The following DAAM2 variants were observed in gnomAD, a reference collection of about 807,000 sequenced individuals.
DAAM2 encodes dishevelled associated activator of morphogenesis 2, also known as disheveled-associated activator of morphogenesis 2.
DAAM2 carries 39 observed loss-of-function variants against 120.7 expected under a neutral mutation model. The ratio of observed to expected loss-of-function variants is 0.32; its 90% CI spans 0.25 to 0.42. DAAM2 has a LOEUF of 0.42. Among genes scored for constraint, DAAM2 ranks in the 10% least tolerant of loss-of-function variants. The pLI, the probability that DAAM2 is intolerant of heterozygous loss-of-function variation, is 1.00. For missense variants in DAAM2, 1,283 were observed against 1,401.7 expected (o/e 0.92, Z 1.35); for synonymous variants, 488 against 524.9 (o/e 0.93, Z 0.96).
chr6:39,820,637 GA>G (rs1393357970), intron 1 of DAAM2: 1 of 152,088 alleles, frequency 6.6e-6, no homozygotes, highest in Non-Finnish European at 1.5e-5. Flanking sequence ...CTATAAAGAT[GA>G]AAAAAGAAAT....
intron 11 of DAAM2, among the ~76,000 whole-genome samples, chr6:39,876,826 CCCCTCCTTTCTACAAACCAGTCCGA>C (rs1384958646): frequency 2.6e-5 from 4 of 152,116 alleles, no homozygotes; most frequent in Non-Finnish European, 4.4e-5. Flanking sequence ...CTATCTCCCA[CCCCTCCTTTCTACAAACCAGTCCGA>C]CCCTCTGAAG....
At chr6:39,799,470 A>G (rs1197064057) in intron 1 of DAAM2, among the ~76,000 whole-genome samples, 1 of 152,234 alleles carries the variant, frequency 6.6e-6, no homozygotes, top group Non-Finnish European at 1.5e-5. Flanking sequence ...CTTTAGTGGC[A>G]GACTTATTTT....
chr6:39,860,369 G>A (rs374727011), intron 2 of DAAM2, among the ~76,000 whole-genome samples: 2 of 152,196 alleles, frequency 1.3e-5, no homozygotes, highest in Non-Finnish European at 2.9e-5. Flanking sequence ...GCAGCCCCTT[G>A]TCCTCACCAG....
Position 39,867,547 on chromosome 6 carries a change from T to C in DAAM2, c.466T>C (p.Cys156Arg). ...CTTCATTGAGCTGGAGGGCTTGACC[T>C]GTCTGCTAAATTTCCTCCGGAGCAT... is the stretch of plus-strand genomic sequence containing the variant. Reference protein sequence around the residue: ...TRFIELEGLTCLLNFLRSMDH... With the variant: ...TRFIELEGLTRLLNFLRSMDH... The change falls in exon 6 of 25, where the codon TGT becomes CGT. Residue 156 changes from cysteine (C) to arginine (R), a missense_variant. By Grantham distance (180) the Cys-to-Arg change is radical (BLOSUM62 -3). Around this residue, in one of 3 missense-constraint regions of DAAM2, gnomAD observed 338 missense variants for 443.9 expected, o/e 0.76. Coordinates refer to ENST00000274867, the MANE Select transcript of DAAM2 (RefSeq NM_001201427.2). The C allele has an allele frequency of 6.2e-7, 1 of 1,614,054 alleles. No homozygotes were observed. The highest frequency in any genetic ancestry group is 8.5e-7 in the Non-Finnish European group (1 of 1,179,896).
intron 1 of DAAM2, among the ~76,000 whole-genome samples, chr6:39,851,464 C>T (rs988652275): frequency 2.0e-5 from 3 of 152,170 alleles, no homozygotes. Context: ...GTCGACATAG[C>T]CAGTGTCTGG....
At chr6:39,795,756 T>C (rs959239928) in intron 1 of DAAM2, among the ~76,000 whole-genome samples, 17 of 152,162 alleles carry the variant, frequency 1.1e-4, no homozygotes, top group African/African-American at 3.9e-4. Context: ...CTAGAAAAGG[T>C]GACCAATGAA....
intron 1 of DAAM2, among the ~76,000 whole-genome samples, chr6:39,826,200 C>T (rs1390692964): frequency 1.3e-5 from 2 of 152,084 alleles, no homozygotes; most frequent in Admixed American, 6.5e-5. Flanking sequence ...GGGGAAGAAG[C>T]GATTGTGCGG....
At chr6:39,815,651 TACACACACACACACACACAC>T (rs56736428) in intron 1 of DAAM2, among the ~76,000 whole-genome samples, 2 of 148,968 alleles carry the variant, frequency 1.3e-5, no homozygotes, top group Non-Finnish European at 1.5e-5. Flanking sequence ...ACCCCTGGTT[TACACACACACACACACACAC>T]ACACACACAC....
At chr6:39,893,205 C>T (rs1765842425) in intron 19 of DAAM2, among the ~76,000 whole-genome samples, 2 of 152,224 alleles carry the variant, frequency 1.3e-5, no homozygotes, top group African/African-American at 2.4e-5. Flanking sequence ...CAGTTTCCTG[C>T]TCCCAGGAGC....
intron 14 of DAAM2, among the ~76,000 whole-genome samples, chr6:39,880,220 T>C (rs756390967): frequency 6.6e-6 from 1 of 152,246 alleles, no homozygotes; most frequent in Non-Finnish European, 1.5e-5. Flanking sequence ...TTCAGTTAGG[T>C]TGGCTCACTG....
intron 1 of DAAM2, among the ~76,000 whole-genome samples, chr6:39,832,454 G>T (rs1253439618): frequency 1.3e-5 from 2 of 152,160 alleles, no homozygotes; most frequent in African/African-American, 4.8e-5. Context: ...CATAATAGCA[G>T]CTCATATTTA....
intron 1 of DAAM2, among the ~76,000 whole-genome samples, chr6:39,816,938 T>G (rs1044908504): frequency 1.3e-5 from 2 of 152,234 alleles, no homozygotes; most frequent in Non-Finnish European, 2.9e-5. Flanking sequence ...TCATCACATT[T>G]CTTTTGCTGA....
rs760428379 is a variant in DAAM2 at position 39,865,074 on chromosome 6, G to C, written c.428G>C (p.Arg143Thr). Residue 143 changes from arginine to threonine, a missense_variant and splice_region_variant, in exon 5 of 25, where the codon AGG (arginine) becomes ACG (threonine). Coordinates refer to ENST00000274867, the MANE Select transcript of DAAM2 (RefSeq NM_001201427.2). Reference sequence around the variant, plus strand: ...ACAGCCCTCCGGACACAGCCTATGAGGTAATTCAGTTTCCCCCTCTTGCTT... The same window carrying C: ...ACAGCCCTCCGGACACAGCCTATGACGTAATTCAGTTTCCCCCTCTTGCTT... ...LKTALRTQPM[R>T]FVTRFIELEG... The C allele has an allele frequency of 1.3e-6, 2 of 1,531,878 alleles. No individual in the cohort carries two copies. Among genetic ancestry groups the C allele is most frequent in the South Asian group, 2.3e-5 (2 of 85,794 alleles). The allele number at this position is 1,531,878 out of a possible 1,614,324, so 94.9% of individuals were successfully genotyped here.
intron 11 of DAAM2, among the ~76,000 whole-genome samples, chr6:39,876,597 C>G (rs1348903943): frequency 3.9e-5 from 6 of 152,136 alleles, no homozygotes; most frequent in Non-Finnish European, 1.5e-5. Flanking sequence ...GCAACATAGT[C>G]TGAAATCTAC....
intron 1 of DAAM2, among the ~76,000 whole-genome samples, chr6:39,814,726 A>G (rs533940104): frequency 6.6e-6 from 1 of 152,302 alleles, no homozygotes; most frequent in Non-Finnish European, 1.5e-5. Context: ...CCCTCCCACC[A>G]TTTCTGTGGA....
At chr6:39,813,146 TTGTGTG>T (rs143725882) in intron 1 of DAAM2, among the ~76,000 whole-genome samples, 13 of 149,416 alleles carry the variant, frequency 8.7e-5, no homozygotes, top group Non-Finnish European at 1.3e-4. Context: ...AAGAGGCAGA[TTGTGTG>T]TGTGTGTGTG....
At chr6:39,891,557 CTG>C in intron 18 of DAAM2, 75 bp from the exon 19 acceptor site, 3 of 1,522,170 alleles carry the variant, frequency 2.0e-6, no homozygotes, top group Non-Finnish European at 2.7e-6. Flanking sequence ...TGAGAGGAGA[CTG>C]GAGCTGGCTC....
At chr6:39,893,466 C>A (rs1046430788) in intron 19 of DAAM2, among the ~76,000 whole-genome samples, 3 of 151,672 alleles carry the variant, frequency 2.0e-5, no homozygotes, top group East Asian at 3.9e-4. Flanking sequence ...GGCAGTGAGC[C>A]GACATGGAAC....
At chr6:39,810,253 AAAG>A (rs889970571) in intron 1 of DAAM2, among the ~76,000 whole-genome samples, 49 of 152,364 alleles carry the variant, frequency 3.2e-4, no homozygotes, top group African/African-American at 1.1e-3. Context: ...TCATAGGAAG[AAAG>A]AAGAAGAGAT....
Sources: gnomAD v4.1 joint callset for allele counts (sites outside exome capture counted in the v4.1 genomes callset) on GRCh38, gnomAD v4.1.1 for gene constraint, gnomAD v4.1.1 regional missense constraint, MANE v1.5 for transcripts, NCBI Gene and HGNC (gene_info 2026-07-23, HGNC 2026-07-21) for gene names.